GOLGB1: variants seen among roughly 807,000 people sequenced by gnomAD.
GOLGB1 encodes the protein golgin subfamily B member 1.
In GOLGB1, 174 loss-of-function variants were observed where a neutral mutation model predicts 336.9. The observed-to-expected ratio is 0.52, with a 90% CI of 0.46 to 0.59. The LOEUF (loss-of-function observed/expected upper bound fraction) is 0.59. Ranked by LOEUF, GOLGB1 falls within the 20% of genes least tolerant of loss-of-function variation. GOLGB1 has a pLI of 0.00. For missense variants in GOLGB1, 3,331 were observed against 3,645.3 expected (o/e 0.91, Z 2.22); for synonymous variants, 1,208 against 1,289.2 (o/e 0.94, Z 1.35).
At chr3:121,746,282 T>C (rs1359464397) in intron 1 of GOLGB1, among the ~76,000 whole-genome samples, 1 of 152,150 alleles carries the variant, frequency 6.6e-6, no homozygotes, top group Non-Finnish European at 1.5e-5. Context: ...CATTCGATAT[T>C]ATGACATAAT....
intron 3 of GOLGB1, among the ~76,000 whole-genome samples, chr3:121,729,626 A>G (rs901051286): frequency 2.0e-5 from 3 of 152,032 alleles, no homozygotes; most frequent in Non-Finnish European, 4.4e-5. Context: ...TATGTTGCCC[A>G]GGCTGATCTC....
intron 14 of GOLGB1, among the ~76,000 whole-genome samples, chr3:121,686,187 G>A (rs1268834410): frequency 6.6e-6 from 1 of 152,164 alleles, no homozygotes; most frequent in Non-Finnish European, 1.5e-5. Flanking sequence ...ATTTCTTACA[G>A]GCCTCAATAC....
intron 4 of GOLGB1, among the ~76,000 whole-genome samples, chr3:121,727,291 C>T (rs200386768): frequency 0.036 from 1,831 of 50,374 alleles, 57 homozygotes; most frequent in East Asian, 0.28. Flanking sequence ...TACACACACA[C>T]ACATATATAT....
intron 17 of GOLGB1, among the ~76,000 whole-genome samples, chr3:121,673,991 G>A (rs1939965969): frequency 6.6e-6 from 1 of 152,196 alleles, no homozygotes; most frequent in South Asian, 2.1e-4. Context: ...AAAGTGCAAG[G>A]ATTACAGGCA....
rs554313106 is a variant in GOLGB1, at chr3:121,707,225, CAAAAAA to C, written c.1405-4636_1405-4631del. ...CTGGTGACAAAGTGAGACTCCATCT[CAAAAAA>C]AAAAAAAAAAACAAAAATAAAAACA... is the stretch of plus-strand genomic sequence containing the variant. On this transcript the variant is annotated intron_variant, in intron 10 of 21. Transcript: ENST00000614479. 2.6e-3 allele frequency among the ~76,000 whole-genome samples: 243 copies of C among 93,646 alleles called. 2 individuals are homozygous for C. Among genetic ancestry groups the C allele is most frequent in the Non-Finnish European group, 3.5e-3 (178 of 50,246 alleles). The allele number at this position is 93,646 out of a possible 152,430, so 61.4% of individuals were successfully genotyped here. A position where few individuals can be genotyped will look rare whatever the true frequency, so the allele number is the denominator to read the frequency against.
Position 121,690,920 on chromosome 3 carries a change from A to G in GOLGB1, c.8444T>C (p.Leu2815Pro), listed in dbSNP as rs971782606. Residue 2815 changes from leucine (L) to proline (P), a missense_variant, in exon 14 of 22, where the codon CTC becomes CCC. Leu to Pro is a moderately conservative substitution (Grantham distance 98). Coordinates refer to ENST00000614479, the MANE Select transcript of GOLGB1 (RefSeq NM_001366282.2). ...AAGCAATTGCTCATCTTTGGATAGG[A>G]GCTGTTGGTTAAGTTTCTCAAGGTG... ...LSHLEKLNQQ[L>P]LSKDEQLLHL... is the part of the protein sequence containing the mutation. 5.6e-6 allele frequency: 9 copies of G among 1,613,966 alleles called. No homozygotes were observed. In the African/African-American group the frequency reaches 1.2e-4, roughly 22 times the overall value.
At position 121,696,766 on chromosome 3, in the gene GOLGB1, G is replaced by A; in HGVS notation, c.3757C>T (p.Leu1253Phe). Residue 1253 changes from leucine (L) to phenylalanine (F), a missense_variant, in exon 13 of 22, where the codon CTC (leucine) becomes TTC (phenylalanine). Transcript: ENST00000614479. ...GATTCCTGCTGGTCTGTGCTTGGGA[G>A]TTTTCCGTCTATGGATTCCCTTACT... ...IQVRESIDGK[L>F]PSTDQQESCS... The A allele has an allele frequency of 1.2e-6, 2 of 1,614,078 alleles. No individual in the cohort carries two copies. The highest frequency in any genetic ancestry group is 1.7e-6 in the Non-Finnish European group (2 of 1,179,976).
At chr3:121,692,612 A>T in intron 13 of GOLGB1, 31 bp from the exon 14 acceptor site, 1 of 1,322,450 alleles carries the variant, frequency 7.6e-7, no homozygotes, top group Non-Finnish European at 1.0e-6. Context: ...TTAGTTACAG[A>T]TTTCAAGAAA....
intron 4 of GOLGB1, among the ~76,000 whole-genome samples, chr3:121,728,854 C>T (rs1161962077): frequency 6.6e-6 from 1 of 152,132 alleles, no homozygotes; most frequent in African/African-American, 2.4e-5. Context: ...CTAGTTTAAT[C>T]TTCTAATCAA....
In GOLGB1 at chr3:121,742,441, C is replaced by T. The variant is rs568460964; in HGVS notation, c.-3+7191G>A. 4.9e-4 allele frequency among the ~76,000 whole-genome samples: 74 copies of T among 152,282 alleles called. 1 individual carries two copies. The South Asian group carries it at 0.015, about 31-fold the overall frequency. On this transcript the variant is annotated intron_variant, in intron 1 of 21. Transcript: ENST00000614479. ...GTAGAAAGGTGAAACTGGATCCCTTCCTTGCACCTTATACAAAAATTAATT... is the reference window on the plus strand; with the variant it reads ...GTAGAAAGGTGAAACTGGATCCCTTTCTTGCACCTTATACAAAAATTAATT...
rs79442227 is a variant in GOLGB1 at position 121,735,231 on chromosome 3, T to A, written c.-2-4258A>T. 6.2e-3 allele frequency among the ~76,000 whole-genome samples: 950 copies of A among 152,320 alleles called. 17 individuals are homozygous for A. The highest frequency in any genetic ancestry group is 0.022 in the African/African-American group (915 of 41,568). On this transcript the variant is annotated intron_variant, in intron 1 of 21. Coordinates refer to ENST00000614479, the MANE Select transcript of GOLGB1 (RefSeq NM_001366282.2). ...AGTAGTAAATTCATAACCATATGCA[T>A]TTGTCAAAACTCACTGAACTGTACA... is the stretch of plus-strand genomic sequence containing the variant.
At chr3:121,667,715 G>A in intron 19 of GOLGB1, 105 bp from the exon 20 acceptor site, 2 of 986,632 alleles carry the variant, frequency 2.0e-6, no homozygotes, top group South Asian at 1.6e-5. Context: ...AAAATCCATA[G>A]AAGCTTGTCT....
rs1406005704 is a variant in GOLGB1, at chr3:121,730,904, T to C, written c.68A>G (p.Asp23Gly). The part of the protein sequence containing the change: ...LHELSGDDDT[D>G]QNMRAPLDPE... The stretch of plus-strand genomic sequence containing the variant: ...GTCTAGGGGAGCCCTCATATTCTGA[T>C]CAGTGTCATCATCTCCTGATAATTC... Residue 23 changes from aspartate to glycine, a missense_variant, in exon 2 of 22, where the codon GAT becomes GGT. Transcript: ENST00000614479. The C allele has an allele frequency of 6.2e-7, 1 of 1,612,258 alleles. No individual in the cohort carries two copies. Among genetic ancestry groups the C allele is most frequent in the Non-Finnish European group, 8.5e-7 (1 of 1,178,470 alleles).
At chr3:121,683,479 A>G (rs1035242431) in intron 14 of GOLGB1, among the ~76,000 whole-genome samples, 2 of 152,156 alleles carry the variant, frequency 1.3e-5, no homozygotes, top group African/African-American at 2.4e-5. Context: ...GACCAGCCCA[A>G]GAAAAACTAA....
chr3:121,666,532 C>T (rs946663124), intron 20 of GOLGB1, among the ~76,000 whole-genome samples: 13 of 152,154 alleles, frequency 8.5e-5, no homozygotes, highest in Non-Finnish European at 1.6e-4. Flanking sequence ...GCTGGCCCAC[C>T]CTCAAAGCTG....
At chr3:121,709,955 T>C (rs1944202556) in intron 10 of GOLGB1, among the ~76,000 whole-genome samples, 1 of 151,470 alleles carries the variant, frequency 6.6e-6, no homozygotes. Flanking sequence ...ACAGCAGGGA[T>C]CAGCGCTTAC....
chr3:121,714,295 G>A (rs1944586975), intron 10 of GOLGB1, among the ~76,000 whole-genome samples: 1 of 152,128 alleles, frequency 6.6e-6, no homozygotes, highest in Non-Finnish European at 1.5e-5. Flanking sequence ...CCTTCATTCT[G>A]ATATTCAGGC....
chr3:121,721,509 G>C (rs1337489137), intron 6 of GOLGB1, among the ~76,000 whole-genome samples: 1 of 152,106 alleles, frequency 6.6e-6, no homozygotes, highest in African/African-American at 2.4e-5. Context: ...CATGCCTGTA[G>C]TCCCAGCTAC....
intron 17 of GOLGB1, among the ~76,000 whole-genome samples, chr3:121,675,207 A>G (rs1940195693): frequency 6.6e-6 from 1 of 152,238 alleles, no homozygotes; most frequent in South Asian, 2.1e-4. Flanking sequence ...TGACCTATGC[A>G]GTGTTTCTCA....
Sources: allele counts gnomAD v4.1 joint callset (sites outside exome capture counted in the v4.1 genomes callset), GRCh38; gene constraint gnomAD v4.1.1; transcripts MANE v1.5; gene names NCBI Gene and HGNC (gene_info 2026-07-23, HGNC 2026-07-21).